GSE1: variants seen among roughly 807,000 people sequenced by gnomAD.
GSE1 encodes the protein genetic suppressor element 1.
GSE1 carries 32 observed loss-of-function variants against 112.6 expected under a neutral mutation model. The observed-to-expected ratio is 0.28, with a 90% CI of 0.21 to 0.38. GSE1 has a LOEUF of 0.38. GSE1 is among the 10% of genes least tolerant of loss of function. The pLI is 1.00. For synonymous variants in GSE1, 1,115 were observed against 735.6 expected (o/e 1.52, Z -8.35); for missense variants, 2,348 against 1,699.2 (o/e 1.38, Z -6.71).
intron 2 of GSE1, among the ~76,000 whole-genome samples, chr16:85,386,761 C>G (rs187380497): frequency 1.3e-5 from 2 of 152,350 alleles, no homozygotes; most frequent in East Asian, 3.9e-4. Context: ...AACAGCTCCC[C>G]CGCCATGCTG....
intron 1 of GSE1, among the ~76,000 whole-genome samples, chr16:85,223,559 G>A (rs1429998544): frequency 1.3e-5 from 2 of 151,898 alleles, no homozygotes; most frequent in East Asian, 1.9e-4. Context: ...TAAGATACAC[G>A]TGACATAAAA....
chr16:85,571,471 C>T (rs1206177718), intron 1 of GSE1, among the ~76,000 whole-genome samples: 1 of 152,246 alleles, frequency 6.6e-6, no homozygotes, highest in Non-Finnish European at 1.5e-5. Flanking sequence ...TTCCATTGTT[C>T]CAGAAAGTTC....
At chr16:85,586,009 G>T (rs563488280) in intron 1 of GSE1, among the ~76,000 whole-genome samples, 1 of 152,166 alleles carries the variant, frequency 6.6e-6, no homozygotes. Flanking sequence ...GGAGGTGCAG[G>T]TTCACCCCAA....
chr16:85,316,316 G>A (rs1170711410), intron 1 of GSE1, among the ~76,000 whole-genome samples: 1 of 152,206 alleles, frequency 6.6e-6, no homozygotes, highest in Non-Finnish European at 1.5e-5. Flanking sequence ...TTGTCAGAGA[G>A]CGATTCCTTT....
At chr16:85,288,259 G>A (rs915131213) in intron 1 of GSE1, among the ~76,000 whole-genome samples, 1 of 152,066 alleles carries the variant, frequency 6.6e-6, no homozygotes, top group African/African-American at 2.4e-5. Flanking sequence ...GAAAAGAAAA[G>A]AAATAAGTAC....
rs72440888 is a variant in GSE1 at position 85,312,208 on chromosome 16, G to GT, written c.2284-45255_2284-45254insT. Reference sequence around the variant, plus strand: ...GTGGTCTCTCTGATCCTCTTGCGGGGGGGGGGGGGACACACTTACCCCCAA... The same window carrying GT: ...GTGGTCTCTCTGATCCTCTTGCGGGGTGGGGGGGGGACACACTTACCCCCAA... On this transcript the variant is annotated intron_variant, in intron 1 of 2. Coordinates refer to the GSE1 transcript ENST00000637419. Among the ~76,000 whole-genome samples the GT allele has an allele frequency of 8.0e-5, 12 of 149,304 alleles. 1 individual carries two copies. The highest frequency in any genetic ancestry group is 3.1e-4 in the African/African-American group (12 of 38,946).
chr16:85,641,873 C>T (rs373131873), intron 2 of GSE1, among the ~76,000 whole-genome samples: 1 of 152,372 alleles, frequency 6.6e-6, no homozygotes, highest in East Asian at 1.9e-4. Context: ...GGCTGGACCT[C>T]CTCTGGCCGG....
chr16:85,226,335 C>G (rs1178216926), intron 1 of GSE1, among the ~76,000 whole-genome samples: 1 of 152,162 alleles, frequency 6.6e-6, no homozygotes, highest in Non-Finnish European at 1.5e-5. Flanking sequence ...TGATAGTCAT[C>G]TACAATTTTA....
chr16:85,212,990 G>A (rs1002906544), intron 1 of GSE1, among the ~76,000 whole-genome samples: 3 of 152,132 alleles, frequency 2.0e-5, no homozygotes, highest in African/African-American at 7.2e-5. Context: ...TAGCCAGGCT[G>A]CCGGATGTGG....
chr16:85,293,756 G>A (rs943194068), intron 1 of GSE1, among the ~76,000 whole-genome samples: 5 of 152,060 alleles, frequency 3.3e-5, no homozygotes, highest in South Asian at 2.1e-4. Context: ...CCATCTCTCC[G>A]ATCACTGAAC....
intron 1 of GSE1, among the ~76,000 whole-genome samples, chr16:85,261,182 C>T (rs774617033): frequency 1.3e-5 from 2 of 152,226 alleles, no homozygotes; most frequent in South Asian, 2.1e-4. Flanking sequence ...CATCCCAGCT[C>T]GCATTCTTGC....
At chr16:85,430,454 G>A (rs1360494837) in intron 2 of GSE1, among the ~76,000 whole-genome samples, 1 of 152,214 alleles carries the variant, frequency 6.6e-6, no homozygotes, top group Non-Finnish European at 1.5e-5. Flanking sequence ...AACTCCAAGA[G>A]GGACACAGGT....
At chr16:85,366,356 C>T (rs570687768) in intron 2 of GSE1, among the ~76,000 whole-genome samples, 41 of 152,368 alleles carry the variant, frequency 2.7e-4, no homozygotes, top group African/African-American at 8.9e-4. Flanking sequence ...CCTCCTGGCT[C>T]GTGTCACCCA....
chr16:85,378,267 C>T (rs2047467458), intron 2 of GSE1, among the ~76,000 whole-genome samples: 3 of 152,314 alleles, frequency 2.0e-5, no homozygotes, highest in Non-Finnish European at 2.9e-5. Flanking sequence ...TTCCGCCAGC[C>T]CCTCCCTCAG....
intron 2 of GSE1, among the ~76,000 whole-genome samples, chr16:85,434,307 CTAATAA>C (rs59877761): frequency 0.016 from 2,275 of 142,258 alleles, 39 homozygotes; most frequent in African/African-American, 0.033. Flanking sequence ...GGATGGTGGT[CTAATAA>C]TAATAATAAT....
chr16:85,335,260 G>T (rs554346378), intron 1 of GSE1, among the ~76,000 whole-genome samples: 2 of 152,374 alleles, frequency 1.3e-5, no homozygotes, highest in Non-Finnish European at 2.9e-5. Context: ...GCCCTGAGTA[G>T]TTTTCGCTGA....
At chr16:85,562,193 A>G (rs569442996) in intron 1 of GSE1, among the ~76,000 whole-genome samples, 1 of 152,230 alleles carries the variant, frequency 6.6e-6, no homozygotes, top group Non-Finnish European at 1.5e-5. Context: ...GGGGACAGGC[A>G]TTTCGGCTTC....
chr16:85,485,568 G>C (rs1007277488), intron 2 of GSE1, among the ~76,000 whole-genome samples: 2 of 152,224 alleles, frequency 1.3e-5, no homozygotes, highest in African/African-American at 4.8e-5. Flanking sequence ...TGCCGCCGCC[G>C]CCGCGTTAAG....
intron 1 of GSE1, among the ~76,000 whole-genome samples, chr16:85,562,385 T>G (rs1331952898): frequency 6.6e-6 from 1 of 151,404 alleles, no homozygotes; most frequent in Non-Finnish European, 1.5e-5. Flanking sequence ...TGGTTCTCAT[T>G]AAGGTTTTTT....
Sources: allele counts gnomAD v4.1 joint callset (sites outside exome capture counted in the v4.1 genomes callset), GRCh38; gene constraint gnomAD v4.1.1; transcripts MANE v1.5; gene names NCBI Gene and HGNC (gene_info 2026-07-23, HGNC 2026-07-21).